Variants in MTHFD2L observed in about 807,000 individuals in gnomAD.
MTHFD2L encodes the protein bifunctional methylenetetrahydrofolate dehydrogenase/cyclohydrolase 2, mitochondrial.
In MTHFD2L, 29 loss-of-function variants were observed where a neutral mutation model predicts 34.9. That is an observed-to-expected ratio of 0.83 (90% CI 0.62 to 1.13). The LOEUF (loss-of-function observed/expected upper bound fraction) is 1.13. Among genes scored for constraint, MTHFD2L ranks in the 50% most tolerant of loss-of-function variants. The probability of loss-of-function intolerance (pLI) is 0.00; values close to 1 mark genes in which losing one functional copy is unlikely to be tolerated. For synonymous variants in MTHFD2L, 167 were observed against 155.7 expected, an observed-to-expected ratio of 1.07 and a Z score of -0.54; for missense variants, 481 against 446.5, an observed-to-expected ratio of 1.08 and a Z score of -0.70.
intron 3 of MTHFD2L, among the ~76,000 whole-genome samples, chr4:74,184,776 A>G (rs1217638380): frequency 6.6e-6 from 1 of 152,206 alleles, no homozygotes; most frequent in African/African-American, 2.4e-5. Flanking sequence ...CCATAAAACT[A>G]ATCTCAATTT....
upstream of MTHFD2L, among the ~76,000 whole-genome samples, chr4:74,124,703 C>T (rs1721951329): frequency 6.6e-6 from 1 of 152,042 alleles, no homozygotes; most frequent in Non-Finnish European, 1.5e-5. Context: ...GTCCTTACTT[C>T]CTTGCTATGT....
intron 6 of MTHFD2L, among the ~76,000 whole-genome samples, chr4:74,236,603 A>G (rs1740875348): frequency 6.6e-6 from 1 of 152,246 alleles, no homozygotes; most frequent in Non-Finnish European, 1.5e-5. Flanking sequence ...GCTAGTATGG[A>G]TTGAAAGCTT....
upstream of MTHFD2L, among the ~76,000 whole-genome samples, chr4:74,120,015 G>T (rs1379782588): frequency 3.9e-5 from 6 of 152,138 alleles, no homozygotes; most frequent in African/African-American, 1.2e-4. Context: ...AAGAACAGAA[G>T]CAATTATTGA....
chr4:74,293,628 G>A, intron 7 of MTHFD2L: 2 of 533,306 alleles, frequency 3.8e-6, no homozygotes, highest in Non-Finnish European at 4.8e-6. Flanking sequence ...AAGTTCAATG[G>A]CAAGCTACTA....
chr4:74,189,746 C>A (rs1170612219), intron 3 of MTHFD2L, among the ~76,000 whole-genome samples: 2 of 151,962 alleles, frequency 1.3e-5, no homozygotes, highest in African/African-American at 4.8e-5. Flanking sequence ...TTCACAATAT[C>A]TTCAAAATCA....
intron 6 of MTHFD2L, among the ~76,000 whole-genome samples, chr4:74,266,233 G>C (rs1057363655): frequency 6.6e-6 from 1 of 152,124 alleles, no homozygotes; most frequent in African/African-American, 2.4e-5. Flanking sequence ...CATGGTAGGG[G>C]CATTTAGTTT....
intron 5 of MTHFD2L, among the ~76,000 whole-genome samples, chr4:74,220,556 C>G (rs1027681122): frequency 6.6e-6 from 1 of 151,664 alleles, no homozygotes; most frequent in African/African-American, 2.4e-5. Flanking sequence ...CATTCCTATC[C>G]AAGGGCATAG....
intron 3 of MTHFD2L, chr4:74,183,968 A>G (rs1730670708): frequency 6.6e-6 from 1 of 152,170 alleles, no homozygotes; most frequent in African/African-American, 2.4e-5. Context: ...TTATCGTTTG[A>G]TTCCTGTAAT....
chr4:74,296,469 T>C (rs568652613), intron 7 of MTHFD2L, among the ~76,000 whole-genome samples: 1 of 152,234 alleles, frequency 6.6e-6, no homozygotes, highest in South Asian at 2.1e-4. Flanking sequence ...AATTTCAACT[T>C]GATCGTGTGC....
Position 74,201,299 on chromosome 4 carries a change from G to A in MTHFD2L, c.641G>A (p.Gly214Glu). The change falls in exon 5 of 8, where the codon GGA becomes GAA. Residue 214 changes from glycine (G) to glutamate (E), a missense_variant. Physicochemically the swap from Gly to Glu is moderately conservative, Grantham distance 98. Transcript: ENST00000325278. ...TTTGGAAAAAATGTGGTTGTGGCTGGAAGATCCAAGAACGTAGGGATGCCT... is the reference window on the plus strand; with the variant it reads ...TTTGGAAAAAATGTGGTTGTGGCTGAAAGATCCAAGAACGTAGGGATGCCT... ...QTFGKNVVVA[G>E]RSKNVGMPIA... 1 of 1,613,688 alleles carries A rather than the reference G, an allele frequency of 6.2e-7. No homozygotes were observed. The highest frequency in any genetic ancestry group is 2.2e-5 in the East Asian group (1 of 44,836).
At chr4:74,234,564 C>G (rs1296918660) in intron 6 of MTHFD2L, among the ~76,000 whole-genome samples, 1 of 151,972 alleles carries the variant, frequency 6.6e-6, no homozygotes, top group Non-Finnish European at 1.5e-5. Flanking sequence ...TTCTTGGAGA[C>G]TCATTCATTC....
rs539968341 is a variant in MTHFD2L, at chr4:74,298,570, C to G, written c.932-3127C>G. Among the ~76,000 whole-genome samples the G allele has an allele frequency of 3.9e-5, 6 of 152,046 alleles. No individual in the cohort carries two copies. The South Asian group carries it at 1.2e-3, about 32-fold the overall frequency. ...AATTTGGAAGAGGAAGATAATGATA[C>G]CTGAGCATACCAGTGGTTTATCTGA... is the stretch of plus-strand genomic sequence containing the variant. On this transcript the variant is annotated intron_variant, in intron 7 of 7. Coordinates refer to ENST00000325278, the MANE Select transcript of MTHFD2L (RefSeq NM_001144978.3).
Position 74,241,708 on chromosome 4 carries a change from C to T in MTHFD2L, c.805+16314C>T, listed in dbSNP as rs76641155. ...TAAGTATTTTAGACCTTAGAAAAACCTATCTAGTTTTAAATTTGTCTTATT... is the reference window on the plus strand; with the variant it reads ...TAAGTATTTTAGACCTTAGAAAAACTTATCTAGTTTTAAATTTGTCTTATT... On this transcript the variant is annotated intron_variant, in intron 6 of 7. Transcript: ENST00000325278. 1,840 of 192,274 alleles carry T rather than the reference C, an allele frequency of 9.6e-3. 41 individuals are homozygous for T. The highest frequency in any genetic ancestry group is 0.041 in the African/African-American group (1,734 of 42,338). The allele number at this position is 192,274 out of a possible 1,614,324, so 11.9% of individuals were successfully genotyped here.
Position 74,243,514 on chromosome 4 carries a change from G to C in MTHFD2L, c.805+18120G>C, listed in dbSNP as rs545467794. ...TGCTGATTTTTAAAAACAAATATTT[G>C]GTTTATTTTGATATTTTGTTGTTTT... On this transcript the variant is annotated intron_variant, in intron 6 of 7. Coordinates refer to ENST00000325278, the MANE Select transcript of MTHFD2L (RefSeq NM_001144978.3). Among the ~76,000 whole-genome samples the C allele has an allele frequency of 3.3e-5, 5 of 151,260 alleles. No individual in the cohort carries two copies. The South Asian group carries it at 1.0e-3, about 31-fold the overall frequency.
chr4:74,142,871 A>C (rs953767141), intron 1 of MTHFD2L, among the ~76,000 whole-genome samples: 41 of 152,346 alleles, frequency 2.7e-4, no homozygotes, highest in African/African-American at 9.4e-4. Context: ...GATTCTTAGT[A>C]GATTCTTGGT....
intron 1 of MTHFD2L, among the ~76,000 whole-genome samples, chr4:74,146,177 T>G (rs1001026773): frequency 9.2e-5 from 14 of 152,192 alleles, no homozygotes; most frequent in African/African-American, 3.4e-4. Flanking sequence ...TTAAATTGGC[T>G]AAAATTTAAA....
chr4:74,114,741 A>G (rs1213715956), intron 2 of MTHFD2L: 1 of 152,250 alleles, frequency 6.6e-6, no homozygotes, highest in African/African-American at 2.4e-5. Context: ...GATTATTAGC[A>G]TACAAATTAA....
At chr4:74,180,651 T>C in intron 3 of MTHFD2L, 2 of 447,650 alleles carry the variant, frequency 4.5e-6, no homozygotes, top group Non-Finnish European at 9.1e-6. Context: ...TTAATGGTAC[T>C]GGGACTGTCA....
intron 1 of MTHFD2L, among the ~76,000 whole-genome samples, chr4:74,134,911 CAG>C (rs1024018605): frequency 1.3e-5 from 2 of 151,380 alleles, no homozygotes; most frequent in African/African-American, 4.9e-5. Context: ...AAAAAATAAA[CAG>C]AGGAGAGAAA....
Sources: gnomAD v4.1 joint callset for allele counts (sites outside exome capture counted in the v4.1 genomes callset) on GRCh38, gnomAD v4.1.1 for gene constraint, MANE v1.5 for transcripts, NCBI Gene and HGNC (gene_info 2026-07-23, HGNC 2026-07-21) for gene names.